Variants in HCN4 observed in about 807,000 individuals in gnomAD.
HCN4 encodes the protein hyperpolarization activated cyclic nucleotide gated potassium channel 4, also known as potassium/sodium hyperpolarization-activated cyclic nucleotide-gated channel 4.
Under a neutral mutation model 76.9 loss-of-function variants are expected in HCN4, and 29 were observed. The observed-to-expected ratio is 0.38, with a 90% CI of 0.28 to 0.51. HCN4 has a LOEUF of 0.51. HCN4 is among the 20% of genes least tolerant of loss of function. The pLI, the probability that HCN4 is intolerant of heterozygous loss-of-function variation, is 0.90. For missense variants in HCN4, 1,416 were observed against 1,715.2 expected (o/e 0.83, Z 3.08); for synonymous variants, 772 against 762.5 (o/e 1.01, Z -0.21).
At chr15:73,332,068 G>T in intron 3 of HCN4, 63 bp downstream of exon 3, 2 of 1,541,722 alleles carry the variant, frequency 1.3e-6, no homozygotes, top group Non-Finnish European at 1.8e-6. Flanking sequence ...TCCACATCTC[G>T]CCACCCTACC....
intron 2 of HCN4, among the ~76,000 whole-genome samples, chr15:73,339,488 C>T (rs572194844): frequency 6.6e-6 from 1 of 152,326 alleles, no homozygotes; most frequent in South Asian, 2.1e-4. Context: ...TAGCCCCAAC[C>T]GAGGGCATCC....
At position 73,323,060 on chromosome 15, in the gene HCN4, A is replaced by C. The variant is rs186728422; in HGVS notation, c.3033T>G (p.Ser1011=). The change falls in exon 8 of 8, where the codon TCT becomes TCG. Residue 1011 remains serine, a synonymous_variant. Transcript: ENST00000261917. ...TAAAGCCTACAGGGGAAGCCCCCCC[A>C]GAGGCCCCTGCCACAAGGGACGGCG... The part of the protein sequence containing the change: ...PEPPSLVAGA[S]GGASPVGFTP... 2,462 of 1,538,710 alleles carry C rather than the reference A, an allele frequency of 1.6e-3. 38 individuals carry two copies. The African/African-American group carries it at 0.031, about 19-fold the overall frequency.
intron 1 of HCN4, among the ~76,000 whole-genome samples, chr15:73,349,992 C>G (rs2043046850): frequency 2.6e-5 from 4 of 152,226 alleles, no homozygotes; most frequent in Admixed American, 1.3e-4. Flanking sequence ...CTGACTCTAA[C>G]AATCCCACCT....
chr15:73,335,272 G>C (rs867703144), intron 2 of HCN4: 2 of 152,396 alleles, frequency 1.3e-5, no homozygotes, highest in African/African-American at 4.8e-5. Context: ...AGGCACAGAC[G>C]GGGGCCCGTG....
intron 1 of HCN4, among the ~76,000 whole-genome samples, chr15:73,353,705 G>A (rs1869401043): frequency 6.6e-6 from 1 of 152,108 alleles, no homozygotes; most frequent in South Asian, 2.1e-4. Context: ...CTGGTGGTGG[G>A]GGAGTGTTTT....
rs1423802153 is a variant in HCN4, at chr15:73,322,566, C to G, written c.3527G>C (p.Gly1176Ala). The change falls in exon 8 of 8, where the codon GGG becomes GCG. Residue 1176 changes from glycine (G) to alanine (A), a missense_variant. By Grantham distance (60) the Gly-to-Ala change is moderately conservative (BLOSUM62 0). Coordinates refer to ENST00000261917, the MANE Select transcript of HCN4 (RefSeq NM_005477.3). ...SLFGARATSS[G>A]GPPLTAGPQR... ...GGGTCCAGCAGTCAGAGGGGGCCCC[C>G]CAGAAGAGGTGGCTCTTGCCCCAAA... 2.5e-6 allele frequency: 4 copies of G among 1,608,394 alleles called. No individual in the cohort carries two copies. The East Asian group carries it at 9.0e-5, about 36-fold the overall frequency.
chr15:73,325,005 A>C lies in HCN4; in HGVS notation c.1928T>G (p.Leu643Arg), dbSNP rs1555475541. 6.2e-7 allele frequency: 1 copy of C among 1,614,156 alleles called. No individual in the cohort carries two copies. The highest frequency in any genetic ancestry group is 8.5e-7 in the Non-Finnish European group (1 of 1,180,028). The change falls in exon 6 of 8, where the codon CTC (leucine) becomes CGC (arginine). Residue 643 changes from leucine (L) to arginine (R), a missense_variant. Physicochemically the swap from Leu to Arg is moderately radical, Grantham distance 102 (BLOSUM62 -2). Transcript: ENST00000261917. The surrounding 1 kb of genome is among the most constrained non-coding windows in gnomAD (Gnocchi z 7.4). ...YFIQHGVVSV[L>R]TKGNKETKLA... Reference sequence around the variant, plus strand: ...CTTGGTCTCCTTGTTGCCCTTGGTGAGCACGCTGACCACGCCATGCTGGAT... The same window carrying C: ...CTTGGTCTCCTTGTTGCCCTTGGTGCGCACGCTGACCACGCCATGCTGGAT...
chr15:73,347,376 A>G (rs1170966526), intron 1 of HCN4, among the ~76,000 whole-genome samples: 1 of 152,138 alleles, frequency 6.6e-6, no homozygotes, highest in East Asian at 1.9e-4. Context: ...CCTTTCTGAC[A>G]CCTTTACATC....
At position 73,367,369 on chromosome 15, in the gene HCN4, C is replaced by G. The variant is rs780721144; in HGVS notation, c.785+117G>C. 7.3e-6 allele frequency: 11 copies of G among 1,506,572 alleles called. No homozygotes were observed. The highest frequency in any genetic ancestry group is 1.3e-5 in the South Asian group (1 of 79,460). 93.3% of individuals were successfully genotyped at this position (1,506,572 alleles called of 1,614,324 possible). On this transcript the variant is annotated intron_variant, in intron 1 of 7. Coordinates refer to ENST00000261917, the MANE Select transcript of HCN4 (RefSeq NM_005477.3). This position sits in a 1 kb window ranked among gnomAD's most constrained non-coding sequence, Gnocchi z 7.5. ...CTCGGAGCCTAGAGGCGCCCTGCCT[C>G]TCTTGGAGCTCCCAGCGCAAGGCAG...
chr15:73,335,843 A>C (rs1394214965), intron 2 of HCN4, among the ~76,000 whole-genome samples: 1 of 152,116 alleles, frequency 6.6e-6, no homozygotes, highest in Non-Finnish European at 1.5e-5. Flanking sequence ...AGTGGGGGCC[A>C]GTGGGGCCCT....
In HCN4 at chr15:73,322,304, C is replaced by T. The variant is rs2042863910; in HGVS notation, c.*177G>A. The T allele has an allele frequency of 1.8e-6, 1 of 544,052 alleles. No individual in the cohort carries two copies. Among genetic ancestry groups the T allele is most frequent in the Admixed American group, 2.7e-5 (1 of 36,638 alleles). 33.7% of individuals were successfully genotyped at this position (544,052 alleles called of 1,614,324 possible). The stretch of plus-strand genomic sequence containing the variant: ...TAAAATAGTCTATAAAAGCAAGTGA[C>T]CAAAAATCTATAGCTCTAAGAATAC... On this transcript the variant is annotated 3_prime_UTR_variant, in exon 8 of 8. Coordinates refer to ENST00000261917, the MANE Select transcript of HCN4 (RefSeq NM_005477.3).
rs1060500106 is a variant in HCN4 at position 73,323,089 on chromosome 15, C to G, written c.3004G>C (p.Glu1002Gln). Reference protein sequence around the residue: ...STPETPPRQPEPPSLVAGASG... With the variant: ...STPETPPRQPQPPSLVAGASG... Reference sequence around the variant, plus strand: ...GCCCCTGCCACAAGGGACGGCGGCTCAGGCTGCCGTGGGGGTGTCTCTGGC... The same window carrying G: ...GCCCCTGCCACAAGGGACGGCGGCTGAGGCTGCCGTGGGGGTGTCTCTGGC... The change falls in exon 8 of 8, where the codon GAG becomes CAG. Residue 1002 changes from glutamate to glutamine, a missense_variant. Physicochemically the swap from Glu to Gln is conservative, Grantham distance 29. This residue lies in a region of HCN4 where 633 missense variants were observed against 579.8 expected (regional missense o/e 1.09). Transcript: ENST00000261917. The G allele has an allele frequency of 6.3e-7, 1 of 1,582,862 alleles. No individual in the cohort carries two copies. Among genetic ancestry groups the G allele is most frequent in the East Asian group, 2.3e-5 (1 of 44,326 alleles).
At chr15:73,332,409 G>A (rs1158217592) in intron 2 of HCN4, 117 bp from the exon 3 acceptor site, 27 of 1,033,802 alleles carry the variant, frequency 2.6e-5, no homozygotes, top group South Asian at 4.0e-5. Context: ...TCTGCAGGGC[G>A]CCCACTCAGT....
chr15:73,329,549 C>T (rs773515820), intron 4 of HCN4, 24 bp downstream of exon 4: 24 of 1,608,614 alleles, frequency 1.5e-5, no homozygotes, highest in Admixed American at 1.7e-5. Context: ...GACCAATGTG[C>T]GGGTGCTCCC....
Position 73,367,705 on chromosome 15 carries a change from T to C in HCN4, c.566A>G (p.Lys189Arg), listed in dbSNP as rs777285476. 13 of 1,598,876 alleles carry C rather than the reference T, an allele frequency of 8.1e-6. No homozygotes were observed. Among genetic ancestry groups the C allele is most frequent in the Non-Finnish European group, 1.1e-5 (13 of 1,179,270 alleles). ...CEQPSVDTAI[K>R]VEGGAAAGDQ... ...GCCGGCAGCCGCGCCTCCCTCCACT[T>C]TGATAGCGGTGTCCACCGAGGGCTG... Residue 189 changes from lysine to arginine, a missense_variant, in exon 1 of 8, where the codon AAA (lysine) becomes AGA (arginine). Around this residue, in one of 6 missense-constraint regions of HCN4, gnomAD observed 355 missense variants for 347.8 expected, o/e 1.02. Transcript: ENST00000261917. The surrounding 1 kb of genome is among the most constrained non-coding windows in gnomAD (Gnocchi z 7.5).
In HCN4 at chr15:73,323,325, G is replaced by C; in HGVS notation, c.2768C>G (p.Ser923Cys). ...ALGGSLSSSDSPLLTPLQPGA... is the reference protein window; with the variant it reads ...ALGGSLSSSDCPLLTPLQPGA... ...TGGCTGCAGCGGGGTGAGCAGGGGA[G>C]AGTCGGAGGAGGACAGGGAGCCACC... The change falls in exon 8 of 8, where the codon TCT becomes TGT. Residue 923 changes from serine (S) to cysteine (C), a missense_variant. Physicochemically the swap from Ser to Cys is moderately radical, Grantham distance 112 (BLOSUM62 -1). Around this residue, in one of 6 missense-constraint regions of HCN4, gnomAD observed 633 missense variants for 579.8 expected, o/e 1.09. Coordinates refer to ENST00000261917, the MANE Select transcript of HCN4 (RefSeq NM_005477.3). The C allele has an allele frequency of 6.4e-7, 1 of 1,560,160 alleles. No individual in the cohort carries two copies. Among genetic ancestry groups the C allele is most frequent in the Admixed American group, 1.9e-5 (1 of 52,028 alleles).
At chr15:73,350,160 A>C (rs1047059643) in intron 1 of HCN4, among the ~76,000 whole-genome samples, 1 of 151,294 alleles carries the variant, frequency 6.6e-6, no homozygotes, top group Admixed American at 6.6e-5. Flanking sequence ...CAGTCTGCTG[A>C]CTCCTCTGAT....
In HCN4 at chr15:73,368,183, C is replaced by T. The variant is rs786205802; in HGVS notation, c.88G>A (p.Glu30Lys). ...CCGGCCCCCTCCTCCTCGGCGTCCT[C>T]TTCCTCGTCCATGATCCACGCCTTG... ...GAKAWIMDEE[E>K]DAEEEGAGGR... The change falls in exon 1 of 8, where the codon GAG becomes AAG. Residue 30 changes from glutamate to lysine, a missense_variant. Physicochemically the swap from Glu to Lys is moderately conservative, Grantham distance 56. Transcript: ENST00000261917. This position sits in a 1 kb window ranked among gnomAD's most constrained non-coding sequence, Gnocchi z 6.9. The T allele has an allele frequency of 2.6e-6, 4 of 1,533,680 alleles. No individual in the cohort carries two copies. The highest frequency in any genetic ancestry group is 3.5e-6 in the Non-Finnish European group (4 of 1,141,818).
chr15:73,321,723 C>T lies in HCN4; in HGVS notation c.*758G>A, dbSNP rs1567765232. The T allele has an allele frequency of 6.5e-6, 1 of 152,752 alleles. No individual in the cohort carries two copies. Among genetic ancestry groups the T allele is most frequent in the Non-Finnish European group, 1.5e-5 (1 of 68,218 alleles). 9.5% of individuals were successfully genotyped at this position (152,752 alleles called of 1,614,324 possible). ...TGCTGCGAAGTCCTGGGGTCCTCTT[C>T]CCTGAGGACTGGAGAGAGAACGTCC... On this transcript the variant is annotated 3_prime_UTR_variant, in exon 8 of 8. Transcript: ENST00000261917.
Sources: gnomAD v4.1 joint callset for allele counts (sites outside exome capture counted in the v4.1 genomes callset) on GRCh38, gnomAD v4.1.1 for gene constraint, gnomAD v4.1.1 regional missense constraint, Gnocchi (gnomAD v3.1) non-coding constraint, MANE v1.5 for transcripts, NCBI Gene and HGNC (gene_info 2026-07-23, HGNC 2026-07-21) for gene names.